OSBPL6: variants seen among roughly 807,000 people sequenced by gnomAD.
The protein encoded by OSBPL6 is oxysterol binding protein like 6.
A neutral mutation model predicts 125.8 loss-of-function variants in OSBPL6; 49 were observed. The ratio of observed to expected loss-of-function variants is 0.39; its 90% confidence interval spans 0.31 to 0.49. OSBPL6 has a LOEUF of 0.49. Among genes scored for constraint, OSBPL6 ranks in the 20% least tolerant of loss-of-function variants. The pLI is 0.88. For synonymous variants in OSBPL6, 394 were observed against 391.8 expected (o/e 1.01, Z -0.07); for missense variants, 986 against 1,135.4 (o/e 0.87, Z 1.89).
At chr2:178,251,632 A>C (rs1360899085) in intron 1 of OSBPL6, among the ~76,000 whole-genome samples, 1 of 152,156 alleles carries the variant, frequency 6.6e-6, no homozygotes, top group Non-Finnish European at 1.5e-5. Context: ...TAAGGCTCAC[A>C]GAAGTTTTAG....
intron 2 of OSBPL6, among the ~76,000 whole-genome samples, chr2:178,301,848 T>G (rs1686323189): frequency 6.6e-6 from 1 of 152,132 alleles, no homozygotes; most frequent in Non-Finnish European, 1.5e-5. Flanking sequence ...GCACTCAAGG[T>G]AGGTCTGCAG....
At chr2:178,218,419 A>AG (rs1235569658) in intron 1 of OSBPL6, among the ~76,000 whole-genome samples, 4 of 135,566 alleles carry the variant, frequency 3.0e-5, no homozygotes, top group Admixed American at 2.1e-4. Context: ...AAAAAAAAAA[A>AG]AGAGAGAGAG....
chr2:178,283,144 A>G (rs1272090680), intron 1 of OSBPL6, among the ~76,000 whole-genome samples: 1 of 152,214 alleles, frequency 6.6e-6, no homozygotes, highest in East Asian at 1.9e-4. Context: ...TTTACTCAGG[A>G]CTTACAAGGT....
chr2:178,347,584 C>T (rs1690841081), intron 11 of OSBPL6, among the ~76,000 whole-genome samples: 1 of 152,128 alleles, frequency 6.6e-6, no homozygotes. Context: ...ACATAAATAC[C>T]ATTCCTTTGT....
chr2:178,361,945 A>C (rs1438094655), intron 13 of OSBPL6, 130 bp downstream of exon 13: 2 of 1,113,442 alleles, frequency 1.8e-6, no homozygotes, highest in Non-Finnish European at 2.5e-6. Context: ...AATTTCCCCC[A>C]AAAGACTGCA....
rs1478693810 is a variant in OSBPL6, at chr2:178,246,846, T to G, written c.-350-38081T>G. Among the ~76,000 whole-genome samples, 3 of 152,356 alleles carry G rather than the reference T, an allele frequency of 2.0e-5. No individual in the cohort carries two copies. The East Asian group carries it at 5.8e-4, about 29-fold the overall frequency. On this transcript the variant is annotated intron_variant, in intron 1 of 24. Coordinates refer to ENST00000190611, the MANE Select transcript of OSBPL6 (RefSeq NM_032523.4). ...TAGTTTGATTCTATCACTGTCCTGA[T>G]TAAAGGCCCCTGACTCTGCACTTGC...
At chr2:178,217,012 G>A (rs2153964981) in intron 1 of OSBPL6, among the ~76,000 whole-genome samples, 1 of 152,282 alleles carries the variant, frequency 6.6e-6, no homozygotes, top group East Asian at 1.9e-4. Context: ...GAGCTGAATG[G>A]CATTTGTGAA....
chr2:178,281,676 A>T (rs141727847), intron 1 of OSBPL6, among the ~76,000 whole-genome samples: 155 of 152,226 alleles, frequency 1.0e-3, no homozygotes, highest in African/African-American at 3.5e-3. Flanking sequence ...AGAAGCCATT[A>T]TCCTCAGCAA....
In OSBPL6 at chr2:178,204,551, G is replaced by T. The variant is rs1433298530; in HGVS notation, c.-351+9877G>T. 4.6e-5 allele frequency among the ~76,000 whole-genome samples: 7 copies of T among 152,200 alleles called. No homozygotes were observed. The East Asian group carries it at 1.4e-3, about 29-fold the overall frequency. ...ACCTCACTCCTTTCCTCTCTCTTGG[G>T]GATCACTGTCTTTTGTTGCCTGATA... On this transcript the variant is annotated intron_variant, in intron 1 of 24. Coordinates refer to ENST00000190611, the MANE Select transcript of OSBPL6 (RefSeq NM_032523.4).
chr2:178,200,247 C>CTTTT (rs767677596), intron 1 of OSBPL6, among the ~76,000 whole-genome samples: 49 of 109,728 alleles, frequency 4.5e-4, no homozygotes, highest in African/African-American at 8.3e-4. Context: ...TTCTTCAGAC[C>CTTTT]TTTTTTTTTT....
intron 2 of OSBPL6, among the ~76,000 whole-genome samples, chr2:178,297,031 G>T (rs1301614031): frequency 6.6e-6 from 1 of 152,158 alleles, no homozygotes; most frequent in Non-Finnish European, 1.5e-5. Context: ...GGTGCCAGGT[G>T]CCATAATTCT....
chr2:178,247,063 C>G (rs2091522277), intron 1 of OSBPL6, among the ~76,000 whole-genome samples: 1 of 140,882 alleles, frequency 7.1e-6, no homozygotes, highest in African/African-American at 2.6e-5. Context: ...TTCCCAAATG[C>G]CTTAAGCTTT....
At chr2:178,327,027 C>T (rs971415639) in intron 4 of OSBPL6, among the ~76,000 whole-genome samples, 1 of 150,298 alleles carries the variant, frequency 6.7e-6, no homozygotes, top group Non-Finnish European at 1.5e-5. Flanking sequence ...TGGGGGGTGG[C>T]GAGGGATAAA....
chr2:178,369,792 C>T (rs1308424131), intron 13 of OSBPL6, among the ~76,000 whole-genome samples: 1 of 152,122 alleles, frequency 6.6e-6, no homozygotes, highest in East Asian at 1.9e-4. Context: ...CCAGAGCAAG[C>T]TTTTCTTATA....
rs941145989 is a variant in OSBPL6, at chr2:178,362,878, C to T, written c.1287+1063C>T. ...GTCTCAGGAGCATGAGCGTGAAAAT[C>T]CGCTACGATTCTGCCAGTCTTCAGA... is the stretch of plus-strand genomic sequence containing the variant. On this transcript the variant is annotated intron_variant, in intron 13 of 24. Coordinates refer to ENST00000190611, the MANE Select transcript of OSBPL6 (RefSeq NM_032523.4). Among the ~76,000 whole-genome samples the T allele has an allele frequency of 2.6e-5, 4 of 152,280 alleles. No individual in the cohort carries two copies. The East Asian group carries it at 7.7e-4, about 29-fold the overall frequency.
At chr2:178,353,262 A>G (rs1318210935) in intron 12 of OSBPL6, among the ~76,000 whole-genome samples, 1 of 152,214 alleles carries the variant, frequency 6.6e-6, no homozygotes, top group East Asian at 1.9e-4. Flanking sequence ...AGTTGGCATA[A>G]GTAGGCTTCA....
chr2:178,296,244 A>G (rs927736630), intron 2 of OSBPL6, among the ~76,000 whole-genome samples: 3 of 152,192 alleles, frequency 2.0e-5, no homozygotes, highest in Non-Finnish European at 2.9e-5. Context: ...GTTGATCCCA[A>G]TGGTACCCTT....
At chr2:178,250,935 T>C (rs2091670737) in intron 1 of OSBPL6, among the ~76,000 whole-genome samples, 1 of 151,554 alleles carries the variant, frequency 6.6e-6, no homozygotes, top group Non-Finnish European at 1.5e-5. Flanking sequence ...AAGCCCATGG[T>C]AGACATTCAT....
intron 11 of OSBPL6, among the ~76,000 whole-genome samples, chr2:178,342,105 G>C (rs1040624245): frequency 4.6e-5 from 7 of 152,202 alleles, no homozygotes; most frequent in African/African-American, 1.7e-4. Context: ...TATCTAATGA[G>C]TCCAAGTATT....
Sources: gnomAD v4.1 joint callset for allele counts (sites outside exome capture counted in the v4.1 genomes callset) on GRCh38, gnomAD v4.1.1 for gene constraint, MANE v1.5 for transcripts, NCBI Gene and HGNC (gene_info 2026-07-23, HGNC 2026-07-21) for gene names.